The following MYRIP variants were observed in gnomAD, a reference collection of about 807,000 sequenced individuals.
The protein encoded by MYRIP is rab effector MyRIP.
Under a neutral mutation model 98.0 loss-of-function variants are expected in MYRIP, and 49 were observed. The observed-to-expected ratio is 0.50, with a 90% confidence interval of 0.40 to 0.63. MYRIP has a LOEUF of 0.63. Ranked by LOEUF, MYRIP falls within the 30% of genes least tolerant of loss-of-function variation. MYRIP has a pLI of 0.00. For missense variants in MYRIP, 1,004 were observed against 1,058.2 expected (o/e 0.95, Z 0.71); for synonymous variants, 404 against 409.5 (o/e 0.99, Z 0.16).
intron 2 of MYRIP, among the ~76,000 whole-genome samples, chr3:39,916,810 G>T (rs903850075): frequency 6.6e-6 from 1 of 151,618 alleles, no homozygotes; most frequent in Admixed American, 6.6e-5. Flanking sequence ...TATAAAACCG[G>T]CCATAAATGA....
chr3:39,905,508 C>G (rs796768654), intron 2 of MYRIP, among the ~76,000 whole-genome samples: 20 of 152,242 alleles, frequency 1.3e-4, no homozygotes, highest in African/African-American at 4.8e-4. Context: ...ATGGAAACCT[C>G]TGAGTCTTGT....
chr3:40,257,658 TA>T (rs1344371124), intron 16 of MYRIP, among the ~76,000 whole-genome samples: 1 of 152,126 alleles, frequency 6.6e-6, no homozygotes, highest in African/African-American at 2.4e-5. Context: ...CATATAATAA[TA>T]AATCAGAAAG....
intron 3 of MYRIP, among the ~76,000 whole-genome samples, chr3:40,145,932 C>T (rs2125567291): frequency 6.6e-6 from 1 of 152,250 alleles, no homozygotes. Context: ...CAATGTCTGT[C>T]CATCACGTAC....
At chr3:40,228,378 AT>A (rs1033470900) in intron 11 of MYRIP, among the ~76,000 whole-genome samples, 1 of 152,172 alleles carries the variant, frequency 6.6e-6, no homozygotes, top group South Asian at 2.1e-4. Context: ...GCAAAGATTC[AT>A]TTTTTTCTTA....
At chr3:39,959,050 G>T (rs1226206137) in intron 2 of MYRIP, among the ~76,000 whole-genome samples, 6 of 152,192 alleles carry the variant, frequency 3.9e-5, no homozygotes, top group Non-Finnish European at 8.8e-5. Flanking sequence ...AGGATGTGGA[G>T]AAATAGGAAC....
At chr3:40,118,052 G>A (rs1949320316) in intron 3 of MYRIP, among the ~76,000 whole-genome samples, 1 of 151,810 alleles carries the variant, frequency 6.6e-6, no homozygotes, top group Non-Finnish European at 1.5e-5. Flanking sequence ...AAAAATAAAG[G>A]GACAAGAAAA....
intron 12 of MYRIP, among the ~76,000 whole-genome samples, chr3:40,234,978 G>A (rs1257676703): frequency 1.5e-4 from 21 of 136,596 alleles, no homozygotes; most frequent in Admixed American, 3.9e-4. Flanking sequence ...GGGCAACAGA[G>A]CAAGACCCTG....
At chr3:39,990,285 T>A (rs547022042) in intron 2 of MYRIP, among the ~76,000 whole-genome samples, 1 of 152,260 alleles carries the variant, frequency 6.6e-6, no homozygotes, top group South Asian at 2.1e-4. Flanking sequence ...TACTCTTCCT[T>A]CTTCTCTGTG....
At chr3:39,867,328 A>G (rs1942655294) in intron 1 of MYRIP, among the ~76,000 whole-genome samples, 1 of 152,196 alleles carries the variant, frequency 6.6e-6, no homozygotes, top group Non-Finnish European at 1.5e-5. Context: ...TACTACATTA[A>G]ACTAAAAAGC....
intron 1 of MYRIP, among the ~76,000 whole-genome samples, chr3:39,856,919 G>T (rs1434817207): frequency 6.6e-6 from 1 of 152,142 alleles, no homozygotes; most frequent in Non-Finnish European, 1.5e-5. Context: ...AAACACTAAA[G>T]AAATAAATAT....
At chr3:40,146,051 AATAG>A (rs1349880031) in intron 3 of MYRIP, among the ~76,000 whole-genome samples, 1 of 152,230 alleles carries the variant, frequency 6.6e-6, no homozygotes, top group Non-Finnish European at 1.5e-5. Flanking sequence ...CAAGAGGGGA[AATAG>A]ATAAACAAAT....
intron 4 of MYRIP, among the ~76,000 whole-genome samples, chr3:40,153,696 T>G (rs1950164258): frequency 1.3e-5 from 2 of 152,234 alleles, no homozygotes; most frequent in African/African-American, 4.8e-5. Context: ...CTCTATCTAA[T>G]GGTACTTATT....
chr3:39,917,277 T>C (rs1944184794), intron 2 of MYRIP, among the ~76,000 whole-genome samples: 1 of 151,684 alleles, frequency 6.6e-6, no homozygotes, highest in African/African-American at 2.4e-5. Context: ...TCCTTCACGT[T>C]ACTTTAAATT....
At chr3:39,831,704 A>G (rs540169642) in intron 1 of MYRIP, among the ~76,000 whole-genome samples, 5 of 152,226 alleles carry the variant, frequency 3.3e-5, no homozygotes, top group South Asian at 2.1e-4. Flanking sequence ...GTCATTCTAC[A>G]TATATTTACA....
At chr3:40,111,419 A>G (rs987138520) in intron 3 of MYRIP, among the ~76,000 whole-genome samples, 2 of 152,234 alleles carry the variant, frequency 1.3e-5, no homozygotes, top group African/African-American at 4.8e-5. Flanking sequence ...GATTTTCTTT[A>G]TGTCCACCTA....
At chr3:39,849,337 T>C (rs1332994898) in intron 1 of MYRIP, among the ~76,000 whole-genome samples, 1 of 152,202 alleles carries the variant, frequency 6.6e-6, no homozygotes, top group African/African-American at 2.4e-5. Context: ...TAAAGCCACC[T>C]CTGTGCTTCT....
chr3:40,071,541 T>C (rs950486136), intron 3 of MYRIP, among the ~76,000 whole-genome samples: 3 of 149,900 alleles, frequency 2.0e-5, no homozygotes, highest in African/African-American at 7.4e-5. Flanking sequence ...CAATTGATGA[T>C]TGGGGCACAA....
intron 3 of MYRIP, among the ~76,000 whole-genome samples, chr3:40,129,449 A>G (rs1949592243): frequency 8.2e-6 from 1 of 121,844 alleles, no homozygotes; most frequent in Non-Finnish European, 1.6e-5. Flanking sequence ...TCAAAAAAAA[A>G]AAAAAAAAAA....
rs1445779621 is a variant in MYRIP at position 40,233,224 on chromosome 3, G to A, written c.1906-635G>A. Among the ~76,000 whole-genome samples, 3 of 152,144 alleles carry A rather than the reference G, an allele frequency of 2.0e-5. No individual in the cohort carries two copies. In the East Asian group the frequency reaches 5.8e-4, roughly 29 times the overall value. On this transcript the variant is annotated intron_variant, in intron 11 of 16. Transcript: ENST00000302541. ...GACTACACCTAGCTGCAAGGGAAGT[G>A]GGAAAATTTATTATTTTCCTGTTCA...
Sources: gnomAD v4.1 joint callset for allele counts (sites outside exome capture counted in the v4.1 genomes callset) on GRCh38, gnomAD v4.1.1 for gene constraint, MANE v1.5 for transcripts, NCBI Gene and HGNC (gene_info 2026-07-23, HGNC 2026-07-21) for gene names.